Variants in SEMA3A observed in about 807,000 individuals in gnomAD.
The protein encoded by SEMA3A is semaphorin 3A.
Under a neutral mutation model 97.9 loss-of-function variants are expected in SEMA3A, and 29 were observed. That is an observed-to-expected ratio of 0.30 (90% confidence interval 0.22 to 0.40). The LOEUF (loss-of-function observed/expected upper bound fraction) is 0.40. Ranked by LOEUF, SEMA3A falls within the 10% of genes least tolerant of loss-of-function variation. The pLI is 1.00. For synonymous variants in SEMA3A, 321 were observed against 323.7 expected (o/e 0.99, Z 0.09); for missense variants, 763 against 951.3 (o/e 0.80, Z 2.60).
intron 1 of SEMA3A, among the ~76,000 whole-genome samples, chr7:84,413,119 T>C (rs1804317963): frequency 6.6e-6 from 1 of 152,190 alleles, no homozygotes; most frequent in African/African-American, 2.4e-5. Flanking sequence ...ATTATACATT[T>C]CTTTCTTCAT....
chr7:84,162,504 C>T (rs1797065476), intron 1 of SEMA3A, among the ~76,000 whole-genome samples: 1 of 151,956 alleles, frequency 6.6e-6, no homozygotes, highest in East Asian at 1.9e-4. Flanking sequence ...CATAACAACT[C>T]TCAGGAATAA....
At chr7:84,186,288 G>A (rs1562839629) in intron 1 of SEMA3A, among the ~76,000 whole-genome samples, 1 of 151,930 alleles carries the variant, frequency 6.6e-6, no homozygotes, top group South Asian at 2.1e-4. Flanking sequence ...ATTTATCCAA[G>A]AATCTATTCA....
intron 1 of SEMA3A, among the ~76,000 whole-genome samples, chr7:84,391,045 A>G (rs935738011): frequency 6.6e-6 from 1 of 152,154 alleles, no homozygotes; most frequent in Admixed American, 6.6e-5. Flanking sequence ...TTCAAAACTT[A>G]GAGCTTGGCA....
chr7:84,374,639 A>G (rs747075890), intron 1 of SEMA3A, among the ~76,000 whole-genome samples: 26 of 152,268 alleles, frequency 1.7e-4, no homozygotes, highest in Admixed American at 1.4e-3. Flanking sequence ...TCACAAAAAT[A>G]TAACAGTAAA....
chr7:84,114,933 C>T (rs941547206), intron 3 of SEMA3A, among the ~76,000 whole-genome samples: 1 of 151,962 alleles, frequency 6.6e-6, no homozygotes, highest in Non-Finnish European at 1.5e-5. Context: ...TAATATTAGC[C>T]TTCTAATGTT....
intron 1 of SEMA3A, among the ~76,000 whole-genome samples, chr7:84,467,215 A>G (rs954888182): frequency 6.6e-6 from 1 of 152,104 alleles, no homozygotes; most frequent in African/African-American, 2.4e-5. Flanking sequence ...GACTTCATAA[A>G]TGATTAAAGT....
chr7:84,402,844 A>G (rs927243850), intron 1 of SEMA3A, among the ~76,000 whole-genome samples: 1 of 152,190 alleles, frequency 6.6e-6, no homozygotes, highest in African/African-American at 2.4e-5. Context: ...GTTCTCATTC[A>G]TGTCTGGGGG....
chr7:84,205,953 A>G (rs77478786), intron 3 of SEMA3A, among the ~76,000 whole-genome samples: 2,858 of 152,262 alleles, frequency 0.019, 102 homozygotes, highest in Non-Finnish European at 0.018. Flanking sequence ...CTTTAAACAA[A>G]CTTAGGCTTC....
chr7:84,225,588 A>G (rs999389492), intron 3 of SEMA3A, among the ~76,000 whole-genome samples: 3 of 152,112 alleles, frequency 2.0e-5, no homozygotes, highest in Non-Finnish European at 2.9e-5. Context: ...TTTATAAACT[A>G]AAGAAGTTGT....
chr7:84,103,048 T>C (rs907097752), intron 4 of SEMA3A, among the ~76,000 whole-genome samples: 1 of 152,174 alleles, frequency 6.6e-6, no homozygotes, highest in African/African-American at 2.4e-5. Flanking sequence ...AAATTAGTTA[T>C]AGCAATGCAA....
In SEMA3A at chr7:83,977,125, GA is replaced by G; in HGVS notation, c.1717+6del. 6.5e-7 allele frequency: 1 copy of G among 1,527,764 alleles called. No individual in the cohort carries two copies. Among genetic ancestry groups the G allele is most frequent in the Non-Finnish European group, 8.8e-7 (1 of 1,131,018 alleles). The allele number at this position is 1,527,764 out of a possible 1,614,324, so 94.6% of individuals were successfully genotyped here. ...TAGCAGGTTGAAAGATGAAAAATGTGACTTACCATGGTGTAAGTCTGAACAG... is the reference window on the plus strand; with the variant it reads ...TAGCAGGTTGAAAGATGAAAAATGTGCTTACCATGGTGTAAGTCTGAACAG... On this transcript the variant is annotated splice_donor_region_variant and intron_variant, in intron 15 of 16. Coordinates refer to ENST00000265362, the MANE Select transcript of SEMA3A (RefSeq NM_006080.3).
At chr7:84,399,152 T>C (rs553579213) in intron 1 of SEMA3A, among the ~76,000 whole-genome samples, 3 of 152,278 alleles carry the variant, frequency 2.0e-5, no homozygotes, top group Admixed American at 6.5e-5. Context: ...TGTGGGATTA[T>C]GCATTGGAAC....
intron 2 of SEMA3A, among the ~76,000 whole-genome samples, chr7:84,340,538 GGAGGCC>G (rs1802138909): frequency 6.6e-6 from 1 of 152,038 alleles, no homozygotes; most frequent in Admixed American, 6.6e-5. Flanking sequence ...CAGCACTTTG[GGAGGCC>G]GAGGCAGGTG....
chr7:84,295,846 A>T (rs1800857610), intron 3 of SEMA3A, among the ~76,000 whole-genome samples: 3 of 152,140 alleles, frequency 2.0e-5, no homozygotes, highest in Non-Finnish European at 2.9e-5. Context: ...GAGGGTAATG[A>T]TTGTAAAAGC....
chr7:84,422,723 C>G (rs1456384620), intron 1 of SEMA3A, among the ~76,000 whole-genome samples: 3 of 152,016 alleles, frequency 2.0e-5, no homozygotes, highest in African/African-American at 7.2e-5. Flanking sequence ...TGTCTTTGTT[C>G]TCATTGGTTT....
chr7:84,113,139 A>G (rs1259587542), intron 3 of SEMA3A, among the ~76,000 whole-genome samples: 14 of 152,248 alleles, frequency 9.2e-5, no homozygotes, highest in African/African-American at 3.4e-4. Context: ...TTGAAATGAA[A>G]CAAAGGAATG....
intron 1 of SEMA3A, among the ~76,000 whole-genome samples, chr7:84,474,888 C>A (rs866568214): frequency 1.3e-5 from 2 of 150,888 alleles, no homozygotes; most frequent in Non-Finnish European, 2.9e-5. Context: ...GGGATCAGAA[C>A]GCTTTGGAGA....
chr7:84,110,719 A>C, intron 3 of SEMA3A, 130 bp from the exon 4 acceptor site: 1 of 973,590 alleles, frequency 1.0e-6, no homozygotes, highest in Non-Finnish European at 1.5e-6. Flanking sequence ...CATCCCTTTC[A>C]CAACATTTTA....
At chr7:84,366,143 AAGACCTCCTTCTCC>A (rs1402197082) in intron 2 of SEMA3A, among the ~76,000 whole-genome samples, 8 of 151,464 alleles carry the variant, frequency 5.3e-5, no homozygotes, top group African/African-American at 1.9e-4. Context: ...CTATATGTCA[AAGACCTCCTTCTCC>A]ATTAATTTTT....
Sources: allele counts gnomAD v4.1 joint callset (sites outside exome capture counted in the v4.1 genomes callset), GRCh38; gene constraint gnomAD v4.1.1; transcripts MANE v1.5; gene names NCBI Gene and HGNC (gene_info 2026-07-23, HGNC 2026-07-21).